Variants in UGT1A4 observed in about 807,000 individuals in gnomAD.
UGT1A4 encodes the protein UDP-glucuronosyltransferase 1A4.
Under a neutral mutation model 41.1 loss-of-function variants are expected in UGT1A4, and 32 were observed. That is an observed-to-expected ratio of 0.78 (90% CI 0.59 to 1.05). UGT1A4 has a LOEUF of 1.05. Ranked by LOEUF, UGT1A4 falls within the 50% of genes least tolerant of loss-of-function variation. The pLI, the probability that UGT1A4 is intolerant of heterozygous loss-of-function variation, is 0.00. For synonymous variants in UGT1A4, 283 were observed against 265.1 expected (o/e 1.07, Z -0.66); for missense variants, 748 against 677.4 (o/e 1.10, Z -1.16).
chr2:233,772,626 A>T lies in UGT1A4; in HGVS notation c.*67A>T. On this transcript the variant is annotated 3_prime_UTR_variant, in exon 5 of 5. Coordinates refer to ENST00000373409, the MANE Select transcript of UGT1A4 (RefSeq NM_007120.3). ...AGTCATTTCCAAACTTGAAAACAGA[A>T]TCAGTGTTAAATTCATTTTATTCTT... The T allele has an allele frequency of 3.8e-6, 6 of 1,561,972 alleles. No homozygotes were observed. Among genetic ancestry groups the T allele is most frequent in the Non-Finnish European group, 5.2e-6 (6 of 1,152,668 alleles).
chr2:233,772,941 C>G lies in UGT1A4; in HGVS notation c.*382C>G. The G allele has an allele frequency of 3.0e-6, 1 of 336,190 alleles. No homozygotes were observed. The highest frequency in any genetic ancestry group is 5.5e-6 in the Non-Finnish European group (1 of 182,010). The allele number at this position is 336,190 out of a possible 1,614,324, so 20.8% of individuals were successfully genotyped here. A position where few individuals can be genotyped will look rare whatever the true frequency, so the allele number is the denominator to read the frequency against. ...TGGCAGTTTTAATCTTATCTTTTGG[C>G]TTCTGCAGATGGTTGCAATTGATCC... is the stretch of plus-strand genomic sequence containing the variant. On this transcript the variant is annotated 3_prime_UTR_variant, in exon 5 of 5. Coordinates refer to ENST00000373409, the MANE Select transcript of UGT1A4 (RefSeq NM_007120.3).
chr2:233,771,578 C>T (rs531656313), intron 4 of UGT1A4: 100 of 152,372 alleles, frequency 6.6e-4, no homozygotes, highest in African/African-American at 2.3e-3. Flanking sequence ...TGGTTGTTTA[C>T]AACTTCAAAT....
At chr2:233,757,710 G>A (rs942741461) in intron 1 of UGT1A4, among the ~76,000 whole-genome samples, 2 of 151,554 alleles carry the variant, frequency 1.3e-5, no homozygotes, top group Admixed American at 6.6e-5. Flanking sequence ...TTTGCTTCCC[G>A]GGAGGGTCCT....
chr2:233,721,291 G>C (rs2076934131), intron 1 of UGT1A4, among the ~76,000 whole-genome samples: 1 of 152,084 alleles, frequency 6.6e-6, no homozygotes, highest in East Asian at 1.9e-4. Context: ...AATTAGGAAG[G>C]CATTTGAATA....
intron 1 of UGT1A4, chr2:233,752,610 TTAGC>T (rs1306337132): frequency 1.3e-5 from 2 of 152,180 alleles, no homozygotes; most frequent in Non-Finnish European, 2.9e-5. Flanking sequence ...TAAAAAAACA[TTAGC>T]TAGGTGTGGT....
chr2:233,757,306 AG>A (rs1394181032), intron 1 of UGT1A4, among the ~76,000 whole-genome samples: 3 of 7,688 alleles, frequency 3.9e-4, no homozygotes, highest in African/African-American at 1.6e-3. Context: ...GTTGGGGGAC[AG>A]GGGGGCTGGG....
At chr2:233,738,331 A>G (rs1320922630) in intron 1 of UGT1A4, among the ~76,000 whole-genome samples, 1 of 152,220 alleles carries the variant, frequency 6.6e-6, no homozygotes, top group African/African-American at 2.4e-5. Context: ...GGACTAATAC[A>G]GTAAATTGGT....
chr2:233,770,703 G>C (rs1283135440), intron 4 of UGT1A4: 2 of 151,540 alleles, frequency 1.3e-5, no homozygotes, highest in African/African-American at 4.8e-5. Flanking sequence ...TCATCTTAAG[G>C]TTTATGTAAA....
At position 233,756,997 on chromosome 2, in the gene UGT1A4, A is replaced by G. The variant is rs1051475353; in HGVS notation, c.868-10037A>G. Among the ~76,000 whole-genome samples the G allele has an allele frequency of 5.9e-5, 9 of 151,946 alleles. No homozygotes were observed. The highest frequency in any genetic ancestry group is 1.9e-4 in the African/African-American group (8 of 41,328). On this transcript the variant is annotated intron_variant, in intron 1 of 4. Coordinates refer to ENST00000373409, the MANE Select transcript of UGT1A4 (RefSeq NM_007120.3). ...AATGAACAGTCATAGTAAGCTGGCC[A>G]AGGGTAGAGTTCAGTTTGAACAAAG...
At chr2:233,722,949 G>C (rs2077051910) in intron 1 of UGT1A4, among the ~76,000 whole-genome samples, 2 of 134,510 alleles carry the variant, frequency 1.5e-5, no homozygotes, top group South Asian at 5.6e-4. Flanking sequence ...AGTGGGCTGA[G>C]GAGGAGGAGG....
chr2:233,758,119 CATAAAT>C (rs775438808), intron 1 of UGT1A4, among the ~76,000 whole-genome samples: 2 of 152,188 alleles, frequency 1.3e-5, no homozygotes, highest in Admixed American at 6.5e-5. Flanking sequence ...TCACACGTTC[CATAAAT>C]ATTTGGCAGA....
At chr2:233,765,308 T>A (rs746475199) in intron 1 of UGT1A4, among the ~76,000 whole-genome samples, 3 of 152,234 alleles carry the variant, frequency 2.0e-5, no homozygotes, top group Non-Finnish European at 4.4e-5. Flanking sequence ...CATGCACATA[T>A]TTGTTTATTG....
rs568090687 is a variant in UGT1A4, at chr2:233,760,533, A to G, written c.868-6501A>G. 23 of 1,614,268 alleles carry G rather than the reference A, an allele frequency of 1.4e-5. No homozygotes were observed. The South Asian group carries it at 2.2e-4, about 15-fold the overall frequency. On this transcript the variant is annotated intron_variant, in intron 1 of 4. Coordinates refer to ENST00000373409, the MANE Select transcript of UGT1A4 (RefSeq NM_007120.3). ...ACACCTTGAAGACGTACCCTGTGCC[A>G]TTCCAAAGGGAGGATGTGAAAGAGT... is the stretch of plus-strand genomic sequence containing the variant.
chr2:233,741,944 G>C (rs570984186), intron 1 of UGT1A4: 2 of 152,018 alleles, frequency 1.3e-5, no homozygotes, highest in African/African-American at 4.8e-5. Context: ...TGTGCCAACA[G>C]AAAGGTACTT....
chr2:233,747,677 C>A, intron 1 of UGT1A4: 1 of 1,606,760 alleles, frequency 6.2e-7, no homozygotes, highest in East Asian at 2.2e-5. Flanking sequence ...ACCCAATTTA[C>A]CTCTGTGGGG....
chr2:233,763,586 T>C (rs1253183119), intron 1 of UGT1A4, among the ~76,000 whole-genome samples: 1 of 152,240 alleles, frequency 6.6e-6, no homozygotes, highest in Non-Finnish European at 1.5e-5. Flanking sequence ...TTTCTTCCTT[T>C]GTTAACTAAA....
chr2:233,739,651 G>A (rs1230499129), intron 1 of UGT1A4, among the ~76,000 whole-genome samples: 1 of 152,174 alleles, frequency 6.6e-6, no homozygotes, highest in African/African-American at 2.4e-5. Flanking sequence ...CCCAATTTCT[G>A]TACCCCCATT....
At chr2:233,747,122 G>A in intron 1 of UGT1A4, 1 of 1,481,738 alleles carries the variant, frequency 6.7e-7, no homozygotes, top group Non-Finnish European at 9.1e-7. Flanking sequence ...GATTTGCTAA[G>A]TGGCTCAGTG....
intron 1 of UGT1A4, among the ~76,000 whole-genome samples, chr2:233,725,932 G>A (rs2077483924): frequency 6.6e-6 from 1 of 152,164 alleles, no homozygotes. Context: ...TTGGGAGACT[G>A]ATGCAGGAGG....
Sources: allele counts gnomAD v4.1 joint callset (sites outside exome capture counted in the v4.1 genomes callset), GRCh38; gene constraint gnomAD v4.1.1; transcripts MANE v1.5; gene names NCBI Gene and HGNC (gene_info 2026-07-23, HGNC 2026-07-21).